Variants in BCKDHB observed in about 807,000 individuals in gnomAD.
BCKDHB encodes 2-oxoisovalerate dehydrogenase subunit beta, mitochondrial.
In BCKDHB, 41 loss-of-function variants were observed where a neutral mutation model predicts 48.5. The ratio of observed to expected loss-of-function variants is 0.85; its 90% CI spans 0.66 to 1.10. The LOEUF (loss-of-function observed/expected upper bound fraction) is 1.10, where lower values mean the gene tolerates loss of function less well. Among genes scored for constraint, BCKDHB ranks in the 50% least tolerant of loss-of-function variants. The pLI, the probability that BCKDHB is intolerant of heterozygous loss-of-function variation, is 0.00. For synonymous variants in BCKDHB, 201 were observed against 174.8 expected (o/e 1.15, Z -1.18); for missense variants, 496 against 494.2 (o/e 1.00, Z -0.03).
chr6:80,447,875 A>G, the BCKDHB span, among the ~76,000 whole-genome samples: 13 of 152,286 alleles, frequency 8.5e-5, no homozygotes, highest in South Asian at 2.1e-3. Flanking sequence ...AGACATGGAA[A>G]CAAGTTTGGT....
the BCKDHB span, among the ~76,000 whole-genome samples, chr6:80,375,370 G>T: frequency 6.6e-6 from 1 of 152,006 alleles, no homozygotes; most frequent in African/African-American, 2.4e-5. Context: ...CTTTGTCTTT[G>T]TCAGATCGGG....
In BCKDHB at chr6:80,330,707, C is replaced by T. The variant is rs758406782; in HGVS notation, c.1039-12957C>T. Among the ~76,000 whole-genome samples, 27 of 97,908 alleles carry T rather than the reference C, an allele frequency of 2.8e-4. 1 individual carries two copies. Among genetic ancestry groups the T allele is most frequent in the South Asian group, 2.3e-3 (8 of 3,430 alleles). The allele number at this position is 97,908 out of a possible 152,430, so 64.2% of individuals were successfully genotyped here. A position where few individuals can be genotyped will look rare whatever the true frequency, so the allele number is the denominator to read the frequency against. On this transcript the variant is annotated intron_variant, in intron 9 of 9. Coordinates refer to ENST00000320393, the MANE Select transcript of BCKDHB (RefSeq NM_183050.4). ...AGAATTAGATATCTAGAAACAACTA[C>T]AGGTATGAAATATAACTGTTGAAAT... is the stretch of plus-strand genomic sequence containing the variant.
intron 6 of BCKDHB, among the ~76,000 whole-genome samples, chr6:80,194,355 G>A (rs1039115109): frequency 3.9e-5 from 6 of 151,954 alleles, no homozygotes. Flanking sequence ...ACATAACCAC[G>A]GTAATATTGA....
chr6:80,298,070 T>C (rs539999597), intron 9 of BCKDHB, among the ~76,000 whole-genome samples: 1 of 152,080 alleles, frequency 6.6e-6, no homozygotes, highest in African/African-American at 2.4e-5. Context: ...TTAATTAAGC[T>C]GATGTTTAAC....
chr6:80,244,587 T>C (rs1289610376), intron 8 of BCKDHB, among the ~76,000 whole-genome samples: 1 of 152,240 alleles, frequency 6.6e-6, no homozygotes, highest in Non-Finnish European at 1.5e-5. Context: ...GGCAGTTTGC[T>C]CATGTGGCTT....
intron 8 of BCKDHB, among the ~76,000 whole-genome samples, chr6:80,235,234 C>G (rs1776100609): frequency 6.6e-6 from 1 of 152,146 alleles, no homozygotes; most frequent in African/African-American, 2.4e-5. Flanking sequence ...GATCAGTATG[C>G]ACTGTATGCA....
the BCKDHB span, among the ~76,000 whole-genome samples, chr6:80,422,499 G>A: frequency 1.3e-5 from 2 of 152,168 alleles, no homozygotes; most frequent in South Asian, 2.1e-4. Flanking sequence ...CCCCAAAAAG[G>A]TAGATACATT....
At chr6:80,412,239 G>A in the BCKDHB span, among the ~76,000 whole-genome samples, 2 of 151,394 alleles carry the variant, frequency 1.3e-5, no homozygotes, top group East Asian at 2.0e-4. Context: ...TGCCTCTTGG[G>A]TTCAAGTGAT....
chr6:80,429,797 A>G, the BCKDHB span, among the ~76,000 whole-genome samples: 1 of 152,196 alleles, frequency 6.6e-6, no homozygotes, highest in Non-Finnish European at 1.5e-5. Flanking sequence ...ATATATGATC[A>G]TGTCATCTAC....
intron 1 of BCKDHB, among the ~76,000 whole-genome samples, chr6:80,119,733 T>C (rs1769903606): frequency 6.6e-6 from 1 of 152,202 alleles, no homozygotes; most frequent in South Asian, 2.1e-4. Flanking sequence ...AGAGTAATCA[T>C]TTATGGCAGA....
the BCKDHB span, among the ~76,000 whole-genome samples, chr6:80,426,994 T>C: frequency 2.0e-5 from 3 of 152,138 alleles, no homozygotes; most frequent in African/African-American, 7.2e-5. Context: ...CTTCATATAC[T>C]TTAGAATTCT....
the BCKDHB span, among the ~76,000 whole-genome samples, chr6:80,449,147 T>C: frequency 6.6e-6 from 1 of 152,196 alleles, no homozygotes; most frequent in Non-Finnish European, 1.5e-5. Flanking sequence ...GTTAAGTTGC[T>C]TCAGATTCTT....
At chr6:80,272,509 A>C (rs1777789883) in intron 8 of BCKDHB, among the ~76,000 whole-genome samples, 1 of 152,152 alleles carries the variant, frequency 6.6e-6, no homozygotes, top group African/African-American at 2.4e-5. Context: ...AGAGTGTATC[A>C]TGCACAGTGT....
At chr6:80,189,611 T>TAA (rs759333052) in intron 6 of BCKDHB, among the ~76,000 whole-genome samples, 4 of 152,166 alleles carry the variant, frequency 2.6e-5, no homozygotes, top group African/African-American at 9.7e-5. Context: ...ACTATATATA[T>TAA]AACTGTGTGT....
the BCKDHB span, among the ~76,000 whole-genome samples, chr6:80,411,253 G>T: frequency 6.6e-6 from 1 of 152,156 alleles, no homozygotes; most frequent in African/African-American, 2.4e-5. Flanking sequence ...GATCCTGTTT[G>T]CCTAGGTATC....
chr6:80,201,329 G>C (rs1403730638), intron 7 of BCKDHB, among the ~76,000 whole-genome samples: 2 of 151,986 alleles, frequency 1.3e-5, no homozygotes, highest in African/African-American at 4.8e-5. Context: ...TTTGTGTGTG[G>C]GGGTGGGGGC....
intron 8 of BCKDHB, among the ~76,000 whole-genome samples, chr6:80,261,396 GGGA>G (rs1240042524): frequency 6.6e-6 from 1 of 151,988 alleles, no homozygotes; most frequent in Non-Finnish European, 1.5e-5. Flanking sequence ...CTGTGGCCAG[GGGA>G]GGAGGGGGAA....
intron 3 of BCKDHB, among the ~76,000 whole-genome samples, chr6:80,146,579 A>C (rs1351487968): frequency 6.6e-6 from 1 of 152,158 alleles, no homozygotes; most frequent in Non-Finnish European, 1.5e-5. Flanking sequence ...AAATGTTGGA[A>C]GCTGGAAGGT....
chr6:80,121,501 A>G (rs904400121), intron 1 of BCKDHB, among the ~76,000 whole-genome samples: 3 of 152,204 alleles, frequency 2.0e-5, no homozygotes, highest in South Asian at 4.1e-4. Context: ...TGAGCATGGA[A>G]TATTCTTCCA....
Sources: allele counts gnomAD v4.1 joint callset (sites outside exome capture counted in the v4.1 genomes callset), GRCh38; gene constraint gnomAD v4.1.1; transcripts MANE v1.5; gene names NCBI Gene and HGNC (gene_info 2026-07-23, HGNC 2026-07-21).